IQSEC3: variants seen among roughly 807,000 people sequenced by gnomAD.
The protein encoded by IQSEC3 is IQ motif and SEC7 domain-containing protein 3.
In IQSEC3, 50 loss-of-function variants were observed where a neutral mutation model predicts 105.4. That is an observed-to-expected ratio of 0.47 (90% CI 0.38 to 0.60). The LOEUF is 0.60. Among genes scored for constraint, IQSEC3 ranks in the 20% least tolerant of loss-of-function variants. IQSEC3 has a pLI of 0.00. For synonymous variants in IQSEC3, 708 were observed against 746.0 expected (o/e 0.95, Z 0.83); for missense variants, 1,415 against 1,630.0 (o/e 0.87, Z 2.27).
chr12:82,270 T>C (rs1863770123), intron 1 of IQSEC3, among the ~76,000 whole-genome samples: 1 of 152,202 alleles, frequency 6.6e-6, no homozygotes, highest in Admixed American at 6.5e-5. Flanking sequence ...TGAAATGATA[T>C]TTCTGGGGCT....
At chr12:87,142 G>A (rs1863942617) in intron 1 of IQSEC3, among the ~76,000 whole-genome samples, 1 of 152,042 alleles carries the variant, frequency 6.6e-6, no homozygotes, top group African/African-American at 2.4e-5. Flanking sequence ...GAGCTTATTG[G>A]GGACAGCTTT....
rs531293922 is a variant in IQSEC3, at chr12:174,355, T to C, written c.3115-244T>C. On this transcript the variant is annotated intron_variant, in intron 13 of 13. Coordinates refer to ENST00000538872, the MANE Select transcript of IQSEC3 (RefSeq NM_001170738.2). ...GAGCCCATCTCACAGATGAAGAGAC[T>C]GAGGCCGTACAGCGACACTGCTCAC... Among the ~76,000 whole-genome samples, 14 of 152,104 alleles carry C rather than the reference T, an allele frequency of 9.2e-5. No individual in the cohort carries two copies. The South Asian group carries it at 2.9e-3, about 32-fold the overall frequency.
In IQSEC3 at chr12:169,051, T is replaced by C; in HGVS notation, c.3010T>C (p.Phe1004Leu). The C allele has an allele frequency of 1.9e-6, 3 of 1,614,068 alleles. No individual in the cohort carries two copies. Among genetic ancestry groups the C allele is most frequent in the Non-Finnish European group, 2.5e-6 (3 of 1,180,006 alleles). Residue 1004 changes from phenylalanine to leucine, a missense_variant, in exon 12 of 14, where the codon TTC becomes CTC. Phe to Leu is a conservative substitution (Grantham distance 22). Transcript: ENST00000538872. The stretch of plus-strand genomic sequence containing the variant: ...GCAGCAGGGAACAAAGACACTCTCC[T>C]TCAAGCCCTGCGGAGCCCAGGGGGA... ...EKQQGTKTLS[F>L]KPCGAQGDPQ...
intron 2 of IQSEC3, among the ~76,000 whole-genome samples, chr12:121,441 T>G (rs565667692): frequency 7.3e-4 from 111 of 152,324 alleles, no homozygotes; most frequent in African/African-American, 2.3e-3. Context: ...GACTCAGGCC[T>G]CTGCTGTGCC....
intron 2 of IQSEC3, among the ~76,000 whole-genome samples, chr12:100,461 G>A (rs1438076417): frequency 6.6e-6 from 1 of 152,202 alleles, no homozygotes; most frequent in Non-Finnish European, 1.5e-5. Context: ...TAGTGATCTT[G>A]GGGCACAGAC....
At chr12:93,704 A>C (rs973399978) in intron 1 of IQSEC3, among the ~76,000 whole-genome samples, 1 of 152,126 alleles carries the variant, frequency 6.6e-6, no homozygotes, top group African/African-American at 2.4e-5. Flanking sequence ...GTCCCCTCCA[A>C]ACCTCACGTG....
In IQSEC3 at chr12:125,777, G is replaced by C; in HGVS notation, c.768G>C (p.Gly256=). 1 of 1,514,468 alleles carries C rather than the reference G, an allele frequency of 6.6e-7. No individual in the cohort carries two copies. The highest frequency in any genetic ancestry group is 8.8e-7 in the Non-Finnish European group (1 of 1,137,972). The allele number at this position is 1,514,468 out of a possible 1,614,324, so 93.8% of individuals were successfully genotyped here. ...AGGAGGAGGAGCGGCCGGGGGCAGG[G>C]GCTGCCTCCCCAAGGGCTGGCCCCC... ...LQEEEERPGA[G]AASPRAGPQH... is the part of the protein sequence containing the mutation. Residue 256 remains glycine, a synonymous_variant, in exon 3 of 14, where the codon GGG becomes GGC. Transcript: ENST00000538872.
chr12:124,995 C>A (rs1015186466), intron 2 of IQSEC3, among the ~76,000 whole-genome samples: 2 of 152,164 alleles, frequency 1.3e-5, no homozygotes, highest in Non-Finnish European at 2.9e-5. Context: ...GCAGCCCCCA[C>A]ACCTGGAGTC....
chr12:98,591 G>A (rs997286909), intron 1 of IQSEC3, among the ~76,000 whole-genome samples: 2 of 152,130 alleles, frequency 1.3e-5, no homozygotes, highest in African/African-American at 2.4e-5. Context: ...TGCCTTCTGC[G>A]TTGGCTTTTT....
chr12:109,963 T>G (rs1434044670), intron 2 of IQSEC3, among the ~76,000 whole-genome samples: 2 of 152,214 alleles, frequency 1.3e-5, no homozygotes, highest in Non-Finnish European at 2.9e-5. Context: ...CCTGACAATC[T>G]GCAAAGATGG....
rs782037525 is a variant in IQSEC3, at chr12:165,497, C to T, written c.2773C>T (p.Leu925=). 6.2e-7 allele frequency: 1 copy of T among 1,613,728 alleles called. No homozygotes were observed. The highest frequency in any genetic ancestry group is 1.7e-5 in the Admixed American group (1 of 59,996). Residue 925 remains leucine, a synonymous_variant, in exon 10 of 14, where the codon CTG becomes TTG. Transcript: ENST00000538872. ...STYTFCKSVG[L]LGMQFQLFEN... is the part of the protein sequence containing the mutation. ...GTACACCTTTTGCAAGTCAGTTGGCCTGCTGGGCATGCAGTTCCAGCTCTT... is the reference window on the plus strand; with the variant it reads ...GTACACCTTTTGCAAGTCAGTTGGCTTGCTGGGCATGCAGTTCCAGCTCTT...
intron 1 of IQSEC3, among the ~76,000 whole-genome samples, chr12:91,784 AAAAAGAAAGAAAG>A (rs1170631190): frequency 5.0e-4 from 76 of 152,232 alleles, no homozygotes; most frequent in African/African-American, 1.5e-3. Context: ...CTGTCTCAAA[AAAAAGAAAGAAAG>A]AAAAGAAAGA....
intron 2 of IQSEC3, among the ~76,000 whole-genome samples, chr12:116,380 G>A (rs1295970512): frequency 6.6e-6 from 1 of 152,142 alleles, no homozygotes; most frequent in Non-Finnish European, 1.5e-5. Context: ...ACTCGCCCCG[G>A]AGACCTGGTC....
At chr12:158,282 C>T (rs1189919782) in intron 7 of IQSEC3, among the ~76,000 whole-genome samples, 4 of 152,268 alleles carry the variant, frequency 2.6e-5, no homozygotes, top group East Asian at 1.9e-4. Flanking sequence ...GTCGCTGCCC[C>T]TCTCACCACT....
At position 171,093 on chromosome 12, in the gene IQSEC3, G is replaced by A; in HGVS notation, c.3065-19G>A. 1.2e-6 allele frequency: 2 copies of A among 1,613,424 alleles called. No individual in the cohort carries two copies. The highest frequency in any genetic ancestry group is 8.5e-7 in the Non-Finnish European group (1 of 1,179,904). On this transcript the variant is annotated intron_variant, in intron 12 of 13. Transcript: ENST00000538872. The stretch of plus-strand genomic sequence containing the variant: ...GCTCAGCCGGTGGAGAATGAGCCCT[G>A]TGCTCTTTGCATTCAAAGCCAAAAG...
At chr12:157,388 A>C (rs190858501) in intron 6 of IQSEC3, 140 bp from the exon 7 acceptor site, 5 of 1,113,872 alleles carry the variant, frequency 4.5e-6, no homozygotes, top group Middle Eastern at 3.1e-4. Flanking sequence ...AAAAGACCAG[A>C]GTATGGGACA....
At chr12:174,117 G>A (rs143805325) in intron 13 of IQSEC3, among the ~76,000 whole-genome samples, 13 of 152,250 alleles carry the variant, frequency 8.5e-5, no homozygotes, top group South Asian at 2.1e-4. Flanking sequence ...TGAGGTCGAC[G>A]GTGCCAATGA....
In IQSEC3 at chr12:175,068, T is replaced by A. The variant is rs1939198084; in HGVS notation, c.*35T>A. On this transcript the variant is annotated 3_prime_UTR_variant, in exon 14 of 14. Transcript: ENST00000538872. Reference sequence around the variant, plus strand: ...CACCACCCTGCTGTCCTGGGAGGGCTGGCCACTGGGGGGCCTGGGCTGCCC... The same window carrying A: ...CACCACCCTGCTGTCCTGGGAGGGCAGGCCACTGGGGGGCCTGGGCTGCCC... 6.8e-7 allele frequency: 1 copy of A among 1,462,560 alleles called. No individual in the cohort carries two copies. The highest frequency in any genetic ancestry group is 2.2e-5 in the Admixed American group (1 of 45,638). The allele number at this position is 1,462,560 out of a possible 1,614,324, so 90.6% of individuals were successfully genotyped here. A position where few individuals can be genotyped will look rare whatever the true frequency, so the allele number is the denominator to read the frequency against.
At chr12:76,191 G>A (rs1206012637) in intron 1 of IQSEC3, among the ~76,000 whole-genome samples, 1 of 152,222 alleles carries the variant, frequency 6.6e-6, no homozygotes, top group Non-Finnish European at 1.5e-5. Context: ...GGAGGGAAAG[G>A]AGGCTGGCAT....
Sources: allele counts gnomAD v4.1 joint callset (sites outside exome capture counted in the v4.1 genomes callset), GRCh38; gene constraint gnomAD v4.1.1; transcripts MANE v1.5; gene names NCBI Gene and HGNC (gene_info 2026-07-23, HGNC 2026-07-21).